The following BBOF1 variants were observed in gnomAD, a reference collection of about 807,000 sequenced individuals.
BBOF1 encodes the protein basal body orientation factor 1, also known as basal body-orientation factor 1.
In BBOF1, 62 loss-of-function variants were observed where a neutral mutation model predicts 68.0. That is an observed-to-expected ratio of 0.91 (90% CI 0.74 to 1.13). The LOEUF (loss-of-function observed/expected upper bound fraction) is 1.13, where lower values mean the gene tolerates loss of function less well. Among genes scored for constraint, BBOF1 ranks in the 50% most tolerant of loss-of-function variants. BBOF1 has a pLI of 0.00. For missense variants in BBOF1, 534 were observed against 600.1 expected (o/e 0.89, Z 1.15); for synonymous variants, 208 against 198.8 (o/e 1.05, Z -0.39).
chr14:74,060,102 A>G (rs941701698), intron 11 of BBOF1: 3 of 160,596 alleles, frequency 1.9e-5, no homozygotes, highest in African/African-American at 7.2e-5. Flanking sequence ...CTGTTTCCCC[A>G]TCTAAGAGTT....
intron 2 of BBOF1, among the ~76,000 whole-genome samples, chr14:74,024,108 T>C (rs2059370723): frequency 6.6e-6 from 1 of 152,148 alleles, no homozygotes; most frequent in Non-Finnish European, 1.5e-5. Flanking sequence ...ATGAAGAAAT[T>C]GACTTTCAGA....
chr14:74,066,868 TC>T, downstream of BBOF1: 2 of 1,613,976 alleles, frequency 1.2e-6, no homozygotes, highest in Non-Finnish European at 1.7e-6. Flanking sequence ...AGGGCCAAGA[TC>T]AGCTCCAGGC....
intron 9 of BBOF1, among the ~76,000 whole-genome samples, chr14:74,056,348 A>G (rs1407482924): frequency 1.3e-5 from 2 of 151,768 alleles, no homozygotes; most frequent in Non-Finnish European, 2.9e-5. Flanking sequence ...TACAGGGGCC[A>G]CCACCATGCC....
chr14:74,034,555 T>C (rs2141003472), intron 4 of BBOF1, among the ~76,000 whole-genome samples: 1 of 152,334 alleles, frequency 6.6e-6, no homozygotes, highest in Non-Finnish European at 1.5e-5. Context: ...TTTAGAAGGC[T>C]CTATGGTAGG....
chr14:74,053,161 C>G (rs568947893), intron 8 of BBOF1, among the ~76,000 whole-genome samples: 1 of 152,020 alleles, frequency 6.6e-6, no homozygotes, highest in South Asian at 2.1e-4. Context: ...TGTCGCCAGG[C>G]TGGAGTGCAG....
chr14:74,046,636 G>GT (rs2059956942), intron 6 of BBOF1: 2 of 153,010 alleles, frequency 1.3e-5, no homozygotes, highest in Admixed American at 1.3e-4. Flanking sequence ...ACCTTCCAAA[G>GT]TGCTGGGATT....
chr14:74,071,757 AT>A (rs1399280751), intron 9 of BBOF1: 2 of 1,448,410 alleles, frequency 1.4e-6, no homozygotes, highest in African/African-American at 2.8e-5. Flanking sequence ...GAATACTGCC[AT>A]TTTTCACAAG....
At chr14:74,057,497 T>C in intron 11 of BBOF1, 1 of 1,395,516 alleles carries the variant, frequency 7.2e-7, no homozygotes, top group Non-Finnish European at 9.3e-7. Context: ...ATAGGTTGCC[T>C]TTTGAAGTAA....
chr14:74,068,632 A>G (rs894430662), downstream of BBOF1, among the ~76,000 whole-genome samples: 10 of 151,694 alleles, frequency 6.6e-5, no homozygotes, highest in African/African-American at 2.4e-4. Flanking sequence ...ATTCCCAGCT[A>G]CTCGGGAGGC....
chr14:74,065,217 A>G lies in BBOF1; in HGVS notation c.*518A>G, dbSNP rs780590950. 60 of 1,614,054 alleles carry G rather than the reference A, an allele frequency of 3.7e-5. No homozygotes were observed. Among genetic ancestry groups the G allele is most frequent in the Non-Finnish European group, 4.9e-5 (58 of 1,180,032 alleles). On this transcript the variant is annotated 3_prime_UTR_variant, in exon 12 of 12. Coordinates refer to ENST00000394009, the MANE Select transcript of BBOF1 (RefSeq NM_025057.3). ...CCACCAAGTGGGCATATTTCCGAGC[A>G]GTGGCTCCATTGGTGGTGAAGATGG...
intron 9 of BBOF1, chr14:74,072,356 A>G (rs2060561868): frequency 6.2e-7 from 1 of 1,614,042 alleles, no homozygotes; most frequent in Admixed American, 1.7e-5. Context: ...CAATGACCTC[A>G]TTGGTGGCCT....
Position 74,072,297 on chromosome 14 carries a change from G to A in BBOF1, n.1380-5899G>A, listed in dbSNP as rs560772628. The A allele has an allele frequency of 6.2e-6, 10 of 1,614,234 alleles. No homozygotes were observed. The highest frequency in any genetic ancestry group is 5.0e-5 in the Admixed American group (3 of 60,030). ...CCATGCAGGAAAAGCACGTTTGCAG[G>A]AAGCAATGGCTGCATCCATTTCTGC... is the stretch of plus-strand genomic sequence containing the variant. On this transcript the variant is annotated intron_variant and non_coding_transcript_variant, in intron 9 of 12. Transcript: ENST00000492026.
rs10200 is a variant in BBOF1, at chr14:74,058,708, A to G, written c.1578+1450A>G. 36,629 of 151,910 alleles carry G rather than the reference A, an allele frequency of 0.24. 5,000 individuals carry two copies. The highest frequency in any genetic ancestry group is 0.46 in the South Asian group (2,205 of 4,808). 9.4% of individuals were successfully genotyped at this position (151,910 alleles called of 1,614,324 possible). On this transcript the variant is annotated intron_variant, in intron 11 of 11. Coordinates refer to ENST00000394009, the MANE Select transcript of BBOF1 (RefSeq NM_025057.3). Reference sequence around the variant, plus strand: ...GAAAATAAAAAGAGGATTCAATTGGATTGGTACTGCAAAAAGAATCCATTC... The same window carrying G: ...GAAAATAAAAAGAGGATTCAATTGGGTTGGTACTGCAAAAAGAATCCATTC...
intron 9 of BBOF1, among the ~76,000 whole-genome samples, chr14:74,075,668 T>C (rs1346025125): frequency 1.3e-5 from 2 of 151,068 alleles, no homozygotes; most frequent in African/African-American, 2.4e-5. Flanking sequence ...AAAAAAAAAA[T>C]CAATGTAAAT....
Position 74,056,999 on chromosome 14 carries a change from A to T in BBOF1, c.1463+19A>T. On this transcript the variant is annotated intron_variant, in intron 10 of 11. Transcript: ENST00000394009. ...AATTTGGGTAAGAGCTCTCTTGCTT[A>T]AGTAATAAACATGAGCCCAACACGA... The T allele has an allele frequency of 6.2e-7, 1 of 1,607,618 alleles. No individual in the cohort carries two copies. Among genetic ancestry groups the T allele is most frequent in the East Asian group, 2.2e-5 (1 of 44,826 alleles).
chr14:74,057,824 A>G, intron 11 of BBOF1: 2 of 1,034,550 alleles, frequency 1.9e-6, no homozygotes, highest in Non-Finnish European at 2.3e-6. Flanking sequence ...CATCTAAGAA[A>G]TAAGAAACTC....
chr14:74,081,524 T>C (rs1232444023), intron 12 of BBOF1, among the ~76,000 whole-genome samples: 3 of 152,200 alleles, frequency 2.0e-5, no homozygotes, highest in Admixed American at 1.3e-4. Flanking sequence ...CGATCTTCTA[T>C]CTTTTCTTCA....
chr14:74,040,594 G>T lies in BBOF1; in HGVS notation c.525G>T (p.Arg175=), dbSNP rs534879668. 3.4e-5 allele frequency: 55 copies of T among 1,594,542 alleles called. 1 individual carries two copies. The South Asian group carries it at 5.3e-4, about 15-fold the overall frequency. Reference sequence around the variant, plus strand: ...AAGAGAATTTAAGAAACACAGAGCGGATACATCAGGAGACTCTTAGAAGAC... The same window carrying T: ...AAGAGAATTTAAGAAACACAGAGCGTATACATCAGGAGACTCTTAGAAGAC... The part of the protein sequence containing the change: ...DLKENLRNTE[R]IHQETLRRLE... Residue 175 remains arginine (R), a synonymous_variant, in exon 5 of 12, where the codon CGG becomes CGT. Coordinates refer to ENST00000394009, the MANE Select transcript of BBOF1 (RefSeq NM_025057.3).
intron 5 of BBOF1, among the ~76,000 whole-genome samples, chr14:74,044,475 C>CT (rs35074690): frequency 0.7 from 94,308 of 135,216 alleles, 33,421 homozygotes; most frequent in Admixed American, 0.77. Flanking sequence ...AACCTCTTCT[C>CT]TTTTTTTTTT....
Sources: gnomAD v4.1 joint callset for allele counts (sites outside exome capture counted in the v4.1 genomes callset) on GRCh38, gnomAD v4.1.1 for gene constraint, MANE v1.5 for transcripts, NCBI Gene and HGNC (gene_info 2026-07-23, HGNC 2026-07-21) for gene names.